Variants in MLIP observed in about 807,000 individuals in gnomAD.
The protein encoded by MLIP is muscular LMNA-interacting protein.
A neutral mutation model predicts 84.8 loss-of-function variants in MLIP; 79 were observed. That is an observed-to-expected ratio of 0.93 (90% confidence interval 0.78 to 1.12). MLIP has a LOEUF of 1.12. Ranked by LOEUF, MLIP falls within the 50% of genes most tolerant of loss-of-function variation. MLIP has a pLI of 0.00. For missense variants in MLIP, 1,257 were observed against 1,160.6 expected (o/e 1.08, Z -1.21); for synonymous variants, 504 against 463.0 (o/e 1.09, Z -1.14).
intron 11 of MLIP, among the ~76,000 whole-genome samples, chr6:54,208,156 A>AT (rs1040487862): frequency 6.6e-6 from 1 of 152,202 alleles, no homozygotes; most frequent in African/African-American, 2.4e-5. Flanking sequence ...TTAAAATAGA[A>AT]TGTTTTAATT....
intron 1 of MLIP, among the ~76,000 whole-genome samples, chr6:54,114,162 T>A (rs1769711173): frequency 6.6e-6 from 1 of 152,210 alleles, no homozygotes; most frequent in Non-Finnish European, 1.5e-5. Flanking sequence ...GATCACTCAA[T>A]GTTAGAGTCT....
intron 1 of MLIP, among the ~76,000 whole-genome samples, chr6:54,076,599 G>A (rs891970106): frequency 1.8e-4 from 28 of 152,196 alleles, no homozygotes; most frequent in Non-Finnish European, 3.2e-4. Context: ...CTGTTTGCAG[G>A]ATTTCCTGTT....
chr6:54,199,247 G>A (rs1011791502), intron 10 of MLIP, among the ~76,000 whole-genome samples: 2 of 151,944 alleles, frequency 1.3e-5, no homozygotes, highest in African/African-American at 4.8e-5. Flanking sequence ...TTCCTCCCTG[G>A]AATCGGCATA....
intron 9 of MLIP, among the ~76,000 whole-genome samples, chr6:54,171,957 G>A (rs1366514012): frequency 6.6e-6 from 1 of 151,476 alleles, no homozygotes; most frequent in African/African-American, 2.4e-5. Context: ...ATAACTGCTG[G>A]GATTCAGTGC....
At chr6:54,088,813 T>C (rs896047427) in intron 1 of MLIP, among the ~76,000 whole-genome samples, 1 of 152,178 alleles carries the variant, frequency 6.6e-6, no homozygotes, top group African/African-American at 2.4e-5. Flanking sequence ...ACATTATACA[T>C]TTGTCCACCA....
chr6:54,064,828 T>C (rs1766165454), intron 1 of MLIP, among the ~76,000 whole-genome samples: 1 of 99,244 alleles, frequency 1.0e-5, no homozygotes, highest in African/African-American at 2.6e-5. Flanking sequence ...ATATAAGTTA[T>C]ATATTCATCT....
chr6:54,189,211 TACTGTATTATGC>T (rs935293808), intron 9 of MLIP, among the ~76,000 whole-genome samples: 2 of 152,218 alleles, frequency 1.3e-5, no homozygotes, highest in Non-Finnish European at 2.9e-5. Context: ...TAGCCAACAA[TACTGTATTATGC>T]ACTTACAAAC....
chr6:54,074,597 C>T (rs562394061), intron 1 of MLIP, among the ~76,000 whole-genome samples: 15 of 152,250 alleles, frequency 9.9e-5, no homozygotes, highest in African/African-American at 3.6e-4. Flanking sequence ...GGTGTATCCT[C>T]TTGTGCCGGT....
At chr6:54,093,257 A>AGT (rs1207845076) in intron 1 of MLIP, among the ~76,000 whole-genome samples, 8 of 152,008 alleles carry the variant, frequency 5.3e-5, no homozygotes, top group South Asian at 2.1e-4. Flanking sequence ...CCACAAATAC[A>AGT]GTGTGTGTGT....
chr6:54,121,718 G>A, intron 2 of MLIP, 116 bp downstream of exon 2: 1 of 755,324 alleles, frequency 1.3e-6, no homozygotes, highest in South Asian at 2.0e-5. Flanking sequence ...GTGACTCTAA[G>A]TTTGACTAAA....
chr6:54,196,469 G>C (rs1342451754), intron 10 of MLIP, among the ~76,000 whole-genome samples: 3 of 152,044 alleles, frequency 2.0e-5, no homozygotes, highest in African/African-American at 7.2e-5. Flanking sequence ...GTTTGATGAG[G>C]ATAATGGCTT....
chr6:54,156,293 TAAAA>T (rs1774024566), intron 5 of MLIP, among the ~76,000 whole-genome samples: 1 of 152,112 alleles, frequency 6.6e-6, no homozygotes, highest in African/African-American at 2.4e-5. Context: ...ATCCAATTTT[TAAAA>T]ATACAGCCTG....
At chr6:54,092,422 A>G (rs1767929203) in intron 1 of MLIP, among the ~76,000 whole-genome samples, 1 of 152,152 alleles carries the variant, frequency 6.6e-6, no homozygotes, top group African/African-American at 2.4e-5. Context: ...CAGTAGTCCT[A>G]TGTTTGACAG....
At chr6:54,186,408 T>C (rs1464422402) in intron 9 of MLIP, among the ~76,000 whole-genome samples, 3 of 152,316 alleles carry the variant, frequency 2.0e-5, no homozygotes, top group East Asian at 3.9e-4. Flanking sequence ...AAATGCTCGA[T>C]AAAACATAAG....
Position 54,041,962 on chromosome 6 carries a change from C to A in MLIP, c.63+22871C>A, listed in dbSNP as rs1215874340. On this transcript the variant is annotated intron_variant, in intron 1 of 12. Transcript: ENST00000274897. ...TCACATTCCACTGGGAGGATGGTAC[C>A]ACTTAGTGAGAACCACTAGCTTAGA... Among the ~76,000 whole-genome samples, 19 of 152,150 alleles carry A rather than the reference C, an allele frequency of 1.2e-4. 1 individual carries two copies. The East Asian group carries it at 3.3e-3, about 26-fold the overall frequency.
intron 12 of MLIP, among the ~76,000 whole-genome samples, chr6:54,257,082 AAAAT>A (rs1236220583): frequency 6.6e-6 from 1 of 152,128 alleles, no homozygotes; most frequent in Non-Finnish European, 1.5e-5. Context: ...GTGTGACATA[AAAAT>A]AAATAAGATG....
intron 11 of MLIP, among the ~76,000 whole-genome samples, chr6:54,212,715 C>A (rs1422832097): frequency 6.6e-6 from 1 of 152,054 alleles, no homozygotes; most frequent in Non-Finnish European, 1.5e-5. Context: ...CATTATGTCC[C>A]TTTGAATGAC....
intron 1 of MLIP, among the ~76,000 whole-genome samples, chr6:54,075,205 C>A (rs542119935): frequency 6.9e-6 from 1 of 145,356 alleles, no homozygotes; most frequent in South Asian, 2.2e-4. Flanking sequence ...CAAGATCAGG[C>A]CATTGCACTC....
intron 1 of MLIP, chr6:54,029,172 G>A (rs1763984283): frequency 6.6e-6 from 1 of 152,150 alleles, no homozygotes; most frequent in African/African-American, 2.4e-5. Flanking sequence ...AATAAATGAT[G>A]GGTGCTATGG....
Sources: allele counts gnomAD v4.1 joint callset (sites outside exome capture counted in the v4.1 genomes callset), GRCh38; gene constraint gnomAD v4.1.1; transcripts MANE v1.5; gene names NCBI Gene and HGNC (gene_info 2026-07-23, HGNC 2026-07-21).